The following CCSER1 variants were observed in gnomAD, a reference collection of about 807,000 sequenced individuals.
CCSER1 encodes the protein serine-rich coiled-coil domain-containing protein 1.
CCSER1 carries 41 observed loss-of-function variants against 82.0 expected under a neutral mutation model. That is an observed-to-expected ratio of 0.50 (90% confidence interval 0.39 to 0.65). The LOEUF (loss-of-function observed/expected upper bound fraction) is 0.65, where lower values mean the gene tolerates loss of function less well. Among genes scored for constraint, CCSER1 ranks in the 30% least tolerant of loss-of-function variants. The pLI, the probability that CCSER1 is intolerant of heterozygous loss-of-function variation, is 0.00. For synonymous variants in CCSER1, 414 were observed against 383.9 expected (o/e 1.08, Z -0.92); for missense variants, 1,119 against 1,064.2 (o/e 1.05, Z -0.72).
chr4:90,673,789 TTATACA>T (rs1328456298), intron 6 of CCSER1, among the ~76,000 whole-genome samples: 2 of 151,964 alleles, frequency 1.3e-5, no homozygotes, highest in African/African-American at 4.8e-5. Flanking sequence ...ATACAACCCA[TTATACA>T]TACGTTTTTA....
Position 90,403,315 on chromosome 4 carries a change from C to T in CCSER1, c.1603+3186C>T, listed in dbSNP as rs371022332. On this transcript the variant is annotated intron_variant, in intron 4 of 10. Coordinates refer to ENST00000509176, the MANE Select transcript of CCSER1 (RefSeq NM_001145065.2). ...GAGATCGAGACCATCCCGGCTAAAACGGTGAAACCCCGTCTCTACTAAAAA... is the reference window on the plus strand; with the variant it reads ...GAGATCGAGACCATCCCGGCTAAAATGGTGAAACCCCGTCTCTACTAAAAA... Among the ~76,000 whole-genome samples, 240 of 151,514 alleles carry T rather than the reference C, an allele frequency of 1.6e-3. 1 individual carries two copies. Among genetic ancestry groups the T allele is most frequent in the Non-Finnish European group, 2.2e-3 (148 of 67,828 alleles).
At chr4:90,430,608 T>C (rs1578429947) in intron 4 of CCSER1, among the ~76,000 whole-genome samples, 2 of 152,050 alleles carry the variant, frequency 1.3e-5, no homozygotes, top group Admixed American at 1.3e-4. Flanking sequence ...GTTTCAGGAA[T>C]GTCAGTGCTT....
At chr4:91,179,510 G>GT (rs1390798233) in intron 10 of CCSER1, among the ~76,000 whole-genome samples, 6 of 152,008 alleles carry the variant, frequency 3.9e-5, no homozygotes, top group East Asian at 1.9e-4. Flanking sequence ...TCTTTTTACT[G>GT]TTTTTTCTCT....
chr4:90,378,069 A>G (rs905242484), intron 3 of CCSER1, among the ~76,000 whole-genome samples: 1 of 152,148 alleles, frequency 6.6e-6, no homozygotes, highest in South Asian at 2.1e-4. Context: ...GCAAGTATTT[A>G]TGGAACATGT....
intron 10 of CCSER1, among the ~76,000 whole-genome samples, chr4:91,468,827 G>T (rs1407373043): frequency 6.6e-6 from 1 of 152,056 alleles, no homozygotes; most frequent in African/African-American, 2.4e-5. Context: ...AAATGGTTGT[G>T]CTGAGGTATA....
chr4:90,288,872 G>A (rs1342600234), intron 1 of CCSER1, among the ~76,000 whole-genome samples: 2 of 151,858 alleles, frequency 1.3e-5, no homozygotes, highest in African/African-American at 4.8e-5. Flanking sequence ...AATCTGTTTA[G>A]GATGCATTGT....
chr4:90,782,349 T>C (rs905567132), intron 7 of CCSER1, among the ~76,000 whole-genome samples: 1 of 152,230 alleles, frequency 6.6e-6, no homozygotes, highest in Non-Finnish European at 1.5e-5. Flanking sequence ...TTAATATTTA[T>C]TGAACTCCTT....
chr4:91,317,377 T>C (rs1008156999), intron 10 of CCSER1, among the ~76,000 whole-genome samples: 1 of 151,928 alleles, frequency 6.6e-6, no homozygotes, highest in South Asian at 2.1e-4. Context: ...TTTGAGATCT[T>C]TATTCAAATG....
At chr4:90,385,457 G>A (rs1749881033) in intron 3 of CCSER1, among the ~76,000 whole-genome samples, 1 of 119,900 alleles carries the variant, frequency 8.3e-6, no homozygotes, top group African/African-American at 3.5e-5. Flanking sequence ...GTGTCTCGGT[G>A]TAGTTTTTTT....
intron 8 of CCSER1, chr4:90,918,422 G>A (rs1469607098): frequency 2.2e-5 from 8 of 363,082 alleles, no homozygotes; most frequent in Non-Finnish European, 4.3e-5. Context: ...GAAAGCTGGA[G>A]TAAAAGACAT....
chr4:90,366,400 A>C (rs1056445814), intron 3 of CCSER1, among the ~76,000 whole-genome samples: 7 of 151,762 alleles, frequency 4.6e-5, no homozygotes, highest in Admixed American at 2.0e-4. Flanking sequence ...TAAGTGTATA[A>C]ATTTATGGGG....
At chr4:90,993,092 T>G (rs889793610) in intron 9 of CCSER1, among the ~76,000 whole-genome samples, 1 of 152,092 alleles carries the variant, frequency 6.6e-6, no homozygotes, top group Admixed American at 6.6e-5. Flanking sequence ...CTGCCAGTTA[T>G]GTACTGTTGC....
intron 4 of CCSER1, among the ~76,000 whole-genome samples, chr4:90,429,166 T>C (rs948597143): frequency 3.3e-5 from 5 of 151,818 alleles, no homozygotes; most frequent in African/African-American, 1.2e-4. Flanking sequence ...ATAAAGTCTA[T>C]TAATGTAAAG....
intron 4 of CCSER1, among the ~76,000 whole-genome samples, chr4:90,425,963 A>T (rs1463242667): frequency 6.6e-6 from 1 of 152,178 alleles, no homozygotes; most frequent in African/African-American, 2.4e-5. Context: ...AGTATGCAGG[A>T]CATAGCAGTT....
chr4:91,367,130 CAAAAAAA>C (rs70965488), intron 10 of CCSER1, among the ~76,000 whole-genome samples: 107 of 63,728 alleles, frequency 1.7e-3, no homozygotes, highest in Non-Finnish European at 2.5e-3. Context: ...ACCATCTCTC[CAAAAAAA>C]AAAAAAAAAA....
At chr4:90,704,179 A>T (rs554477287) in intron 6 of CCSER1, among the ~76,000 whole-genome samples, 3 of 152,184 alleles carry the variant, frequency 2.0e-5, no homozygotes, top group Admixed American at 2.0e-4. Context: ...GTGATGACAA[A>T]ATCTCTCAGC....
intron 8 of CCSER1, among the ~76,000 whole-genome samples, chr4:90,880,778 T>G (rs1204148557): frequency 2.0e-5 from 3 of 152,070 alleles, no homozygotes; most frequent in Admixed American, 6.6e-5. Context: ...CACCTCAGAT[T>G]TTCCTGTACC....
chr4:90,766,036 G>A (rs1213738413), intron 7 of CCSER1, among the ~76,000 whole-genome samples: 1 of 151,468 alleles, frequency 6.6e-6, no homozygotes, highest in Non-Finnish European at 1.5e-5. Flanking sequence ...AGGCATTGTA[G>A]GAAAAAAAAG....
chr4:91,168,217 C>T (rs1331912746), intron 10 of CCSER1, among the ~76,000 whole-genome samples: 1 of 148,814 alleles, frequency 6.7e-6, no homozygotes, highest in African/African-American at 2.5e-5. Flanking sequence ...GCCCGGCCGC[C>T]CCGTCTGGGA....
Sources: gnomAD v4.1 joint callset for allele counts (sites outside exome capture counted in the v4.1 genomes callset) on GRCh38, gnomAD v4.1.1 for gene constraint, MANE v1.5 for transcripts, NCBI Gene and HGNC (gene_info 2026-07-23, HGNC 2026-07-21) for gene names.